Variants in ZPBP observed in about 807,000 individuals in gnomAD.
The protein encoded by ZPBP is zona pellucida-binding protein 1.
In ZPBP, 26 loss-of-function variants were observed where a neutral mutation model predicts 44.8. The ratio of observed to expected loss-of-function variants is 0.58; its 90% CI spans 0.43 to 0.81. The LOEUF is 0.81. Among genes scored for constraint, ZPBP ranks in the 30% least tolerant of loss-of-function variants. ZPBP has a pLI of 0.00. For synonymous variants in ZPBP, 174 were observed against 153.2 expected, an observed-to-expected ratio of 1.14 and a Z score of -1.00; for missense variants, 409 against 434.0, an observed-to-expected ratio of 0.94 and a Z score of 0.51.
downstream of ZPBP, among the ~76,000 whole-genome samples, chr7:49,849,148 C>T (rs1280176117): frequency 6.6e-6 from 1 of 152,158 alleles, no homozygotes; most frequent in Non-Finnish European, 1.5e-5. Context: ...GCAGTTCATA[C>T]CCTACAGTCC....
intron 2 of ZPBP, among the ~76,000 whole-genome samples, chr7:50,084,359 A>C (rs1378380653): frequency 3.9e-5 from 6 of 151,938 alleles, no homozygotes; most frequent in Non-Finnish European, 8.8e-5. Flanking sequence ...CCAAAAAAAA[A>C]AAAAATACAA....
chr7:49,877,847 A>T (rs905144847), intron 2 of ZPBP, among the ~76,000 whole-genome samples: 1 of 151,836 alleles, frequency 6.6e-6, no homozygotes, highest in Non-Finnish European at 1.5e-5. Context: ...TTTCCCCACC[A>T]CACTGTTAAG....
intron 2 of ZPBP, among the ~76,000 whole-genome samples, chr7:49,880,588 T>C (rs2128726884): frequency 6.6e-6 from 1 of 151,756 alleles, no homozygotes; most frequent in South Asian, 2.1e-4. Context: ...TATTTTTATT[T>C]ATTTATTTAT....
At chr7:50,021,936 G>C (rs554473573) in intron 5 of ZPBP, among the ~76,000 whole-genome samples, 2 of 152,208 alleles carry the variant, frequency 1.3e-5, no homozygotes, top group Admixed American at 1.3e-4. Context: ...AGTCTTAAAA[G>C]CAGCAAGAAA....
At chr7:50,049,812 G>A (rs1800593972) in intron 4 of ZPBP, among the ~76,000 whole-genome samples, 1 of 151,050 alleles carries the variant, frequency 6.6e-6, no homozygotes, top group Non-Finnish European at 1.5e-5. Context: ...AAAGTCCTAG[G>A]CTCCTCAATA....
chr7:50,036,235 C>A (rs1799819587), intron 4 of ZPBP, among the ~76,000 whole-genome samples: 1 of 152,172 alleles, frequency 6.6e-6, no homozygotes, highest in South Asian at 2.1e-4. Context: ...CTCATTGCAA[C>A]CTCCACCTCC....
chr7:49,885,944 TC>T (rs1168870796), intron 2 of ZPBP, among the ~76,000 whole-genome samples: 4 of 152,218 alleles, frequency 2.6e-5, no homozygotes, highest in Admixed American at 6.5e-5. Context: ...CAGAGGAGTC[TC>T]CCCTCCCTGC....
At chr7:49,996,627 G>C (rs918985351) in intron 6 of ZPBP, among the ~76,000 whole-genome samples, 3 of 152,188 alleles carry the variant, frequency 2.0e-5, no homozygotes, top group Non-Finnish European at 2.9e-5. Flanking sequence ...ACCAATTCAA[G>C]GTGGTCTGAG....
intron 3 of ZPBP, among the ~76,000 whole-genome samples, chr7:50,080,028 T>C (rs1385688991): frequency 1.3e-5 from 2 of 151,684 alleles, no homozygotes; most frequent in Non-Finnish European, 3.0e-5. Flanking sequence ...AACTTGAGTA[T>C]TTTCTCCAAA....
At chr7:49,863,143 C>T (rs1036861806) in intron 2 of ZPBP, among the ~76,000 whole-genome samples, 1 of 152,190 alleles carries the variant, frequency 6.6e-6, no homozygotes, top group Non-Finnish European at 1.5e-5. Flanking sequence ...AATATCTTCA[C>T]TTGTTATAGG....
chr7:49,954,321 C>A (rs1795476879), intron 7 of ZPBP, among the ~76,000 whole-genome samples: 2 of 152,070 alleles, frequency 1.3e-5, no homozygotes, highest in Admixed American at 6.6e-5. Flanking sequence ...CTAAATATAT[C>A]AGAGCAAAAA....
intron 4 of ZPBP, among the ~76,000 whole-genome samples, chr7:50,040,480 G>C (rs773464481): frequency 2.0e-5 from 3 of 152,172 alleles, no homozygotes; most frequent in Non-Finnish European, 2.9e-5. Flanking sequence ...CATCTCATTG[G>C]GACTGGTTAG....
At chr7:49,944,887 A>G (rs1228772279) in intron 7 of ZPBP, among the ~76,000 whole-genome samples, 1 of 150,706 alleles carries the variant, frequency 6.6e-6, no homozygotes, top group Non-Finnish European at 1.5e-5. Flanking sequence ...CCTTCTACTA[A>G]TTTGGGGTTT....
intron 5 of ZPBP, among the ~76,000 whole-genome samples, chr7:50,026,219 A>T (rs1799317063): frequency 6.6e-6 from 1 of 151,916 alleles, no homozygotes; most frequent in South Asian, 2.1e-4. Flanking sequence ...ATATTTTGAT[A>T]AAAGGGCCAA....
chr7:49,992,310 T>C (rs1797608941), intron 6 of ZPBP, among the ~76,000 whole-genome samples: 1 of 152,220 alleles, frequency 6.6e-6, no homozygotes, highest in Admixed American at 6.5e-5. Context: ...ATCAGTTACA[T>C]AACATACAAA....
downstream of ZPBP, among the ~76,000 whole-genome samples, chr7:49,848,567 C>T (rs138548825): frequency 1.5e-3 from 236 of 152,354 alleles, 3 homozygotes; most frequent in African/African-American, 5.4e-3. Flanking sequence ...CCTGGTTTAT[C>T]ACCCAGCTCC....
chr7:49,840,792 C>G, the ZPBP span, among the ~76,000 whole-genome samples: 1 of 152,096 alleles, frequency 6.6e-6, no homozygotes, highest in African/African-American at 2.4e-5. Context: ...GTTAGTTTCC[C>G]CGTATTTCAG....
chr7:50,047,265 T>C (rs1036196807), intron 4 of ZPBP, among the ~76,000 whole-genome samples: 1 of 152,064 alleles, frequency 6.6e-6, no homozygotes, highest in Non-Finnish European at 1.5e-5. Flanking sequence ...CTACATGTTC[T>C]ACACATGTAT....
intron 7 of ZPBP, chr7:49,944,449 T>C: frequency 5.8e-6 from 1 of 171,882 alleles, no homozygotes; most frequent in Non-Finnish European, 1.2e-5. Flanking sequence ...ATCTTGGCGA[T>C]GAGATGGGAA....
Sources: allele counts gnomAD v4.1 joint callset (sites outside exome capture counted in the v4.1 genomes callset), GRCh38; gene constraint gnomAD v4.1.1; transcripts MANE v1.5; gene names NCBI Gene and HGNC (gene_info 2026-07-23, HGNC 2026-07-21).